SYT1: variants seen among roughly 807,000 people sequenced by gnomAD.
The protein encoded by SYT1 is synaptotagmin 1, also known as synaptotagmin-1.
SYT1 carries 8 observed loss-of-function variants against 44.8 expected under a neutral mutation model. That is an observed-to-expected ratio of 0.18 (90% confidence interval 0.10 to 0.32). SYT1 has a LOEUF of 0.32. SYT1 is among the 10% of genes least tolerant of loss of function. The pLI is 1.00. For synonymous variants in SYT1, 154 were observed against 188.8 expected (o/e 0.82, Z 1.51); for missense variants, 286 against 509.3 (o/e 0.56, Z 4.22).
At chr12:79,350,830 C>A (rs1177290359) in intron 8 of SYT1, among the ~76,000 whole-genome samples, 2 of 152,078 alleles carry the variant, frequency 1.3e-5, no homozygotes, top group Non-Finnish European at 2.9e-5. Flanking sequence ...TTTTCCTTGC[C>A]TTTTTCTGGA....
rs572860292 is a variant in SYT1, at chr12:79,275,442, G to A, written c.167-10345G>A. The stretch of plus-strand genomic sequence containing the variant: ...TCCCCAAGGGAGGTGTGCCCTCCAG[G>A]TTCAGGCTTGCAAGAGGGGTGGAGT... On this transcript the variant is annotated intron_variant, in intron 4 of 10. Coordinates refer to ENST00000261205, the MANE Select transcript of SYT1 (RefSeq NM_005639.3). 2.6e-5 allele frequency among the ~76,000 whole-genome samples: 4 copies of A among 152,226 alleles called. No homozygotes were observed. The East Asian group carries it at 7.8e-4, about 30-fold the overall frequency.
chr12:79,090,471 CA>C (rs976627724), intron 3 of SYT1, among the ~76,000 whole-genome samples: 4 of 151,894 alleles, frequency 2.6e-5, no homozygotes, highest in Non-Finnish European at 5.9e-5. Flanking sequence ...CCCATCCAGC[CA>C]ATACTCCCTC....
intron 9 of SYT1, among the ~76,000 whole-genome samples, chr12:79,422,733 T>C (rs1869193893): frequency 6.6e-6 from 1 of 152,000 alleles, no homozygotes; most frequent in Non-Finnish European, 1.5e-5. Context: ...TTTTAATCCC[T>C]CTCTTTAATC....
chr12:79,065,098 C>A (rs964041823), intron 3 of SYT1, among the ~76,000 whole-genome samples: 4 of 152,104 alleles, frequency 2.6e-5, no homozygotes, highest in African/African-American at 4.8e-5. Context: ...GGGAGGCCAG[C>A]GTAGTGGCTT....
chr12:79,150,204 T>G (rs1247805340), intron 3 of SYT1, among the ~76,000 whole-genome samples: 1 of 152,202 alleles, frequency 6.6e-6, no homozygotes, highest in Non-Finnish European at 1.5e-5. Context: ...ACATTATTAC[T>G]AACTGTAGTC....
chr12:79,405,979 A>G (rs540316402), intron 9 of SYT1, among the ~76,000 whole-genome samples: 2 of 152,284 alleles, frequency 1.3e-5, no homozygotes, highest in Non-Finnish European at 2.9e-5. Flanking sequence ...CTAAATGAGA[A>G]CTAATGGGAC....
chr12:79,222,083 G>A (rs950842407), intron 4 of SYT1, among the ~76,000 whole-genome samples: 1 of 152,092 alleles, frequency 6.6e-6, no homozygotes, highest in East Asian at 1.9e-4. Flanking sequence ...TTCTCTGTTG[G>A]CAGTTTTTTT....
At chr12:78,920,047 A>G (rs919482392) in intron 1 of SYT1, among the ~76,000 whole-genome samples, 9 of 151,890 alleles carry the variant, frequency 5.9e-5, no homozygotes, top group African/African-American at 2.2e-4. Flanking sequence ...GAGCTATGGA[A>G]TTTAGTCTTT....
intron 9 of SYT1, among the ~76,000 whole-genome samples, chr12:79,355,111 C>G (rs1883060619): frequency 6.6e-6 from 1 of 152,192 alleles, no homozygotes. Flanking sequence ...TCCCAGTTTG[C>G]TGTCTGTTTC....
At chr12:79,179,203 G>T (rs866308729) in intron 3 of SYT1, among the ~76,000 whole-genome samples, 2 of 20,026 alleles carry the variant, frequency 1.0e-4, no homozygotes, top group African/African-American at 7.7e-4. Flanking sequence ...TAGATATATA[G>T]ATATAGATAT....
chr12:79,096,019 A>G (rs776331995), intron 3 of SYT1, among the ~76,000 whole-genome samples: 3 of 151,892 alleles, frequency 2.0e-5, no homozygotes, highest in Non-Finnish European at 4.4e-5. Context: ...CTGTGGTGGC[A>G]GGTTATGGGA....
intron 9 of SYT1, among the ~76,000 whole-genome samples, chr12:79,439,001 A>C (rs1245369440): frequency 6.6e-6 from 1 of 152,190 alleles, no homozygotes; most frequent in Non-Finnish European, 1.5e-5. Flanking sequence ...AGAGGTATGG[A>C]TATTACCTCA....
At chr12:79,002,660 TCTC>T (rs1265672012) in intron 2 of SYT1, among the ~76,000 whole-genome samples, 1 of 152,000 alleles carries the variant, frequency 6.6e-6, no homozygotes, top group Non-Finnish European at 1.5e-5. Context: ...ATATTCCAAG[TCTC>T]CTCTAATTGT....
At chr12:79,276,982 G>A (rs1372583086) in intron 4 of SYT1, among the ~76,000 whole-genome samples, 1 of 151,100 alleles carries the variant, frequency 6.6e-6, no homozygotes, top group South Asian at 2.1e-4. Context: ...AAGAGGAGGA[G>A]GAGGAGGGAG....
At chr12:78,886,189 C>A (rs1874739235) in intron 1 of SYT1, among the ~76,000 whole-genome samples, 1 of 151,756 alleles carries the variant, frequency 6.6e-6, no homozygotes, top group Non-Finnish European at 1.5e-5. Context: ...AGAAAAATAT[C>A]TTTTTATTTT....
intron 3 of SYT1, among the ~76,000 whole-genome samples, chr12:79,090,244 T>C (rs1877679536): frequency 6.6e-6 from 1 of 152,050 alleles, no homozygotes; most frequent in Non-Finnish European, 1.5e-5. Flanking sequence ...GGAGAATAGA[T>C]CTCATTGTAA....
chr12:79,216,558 A>G (rs897074330), intron 3 of SYT1, among the ~76,000 whole-genome samples: 15 of 152,162 alleles, frequency 9.9e-5, no homozygotes, highest in African/African-American at 2.7e-4. Context: ...TTAGTTCTTC[A>G]TATTTCAGAA....
At chr12:79,143,380 T>A (rs932812383) in intron 3 of SYT1, among the ~76,000 whole-genome samples, 1 of 152,242 alleles carries the variant, frequency 6.6e-6, no homozygotes, top group African/African-American at 2.4e-5. Context: ...TAACTTTCAC[T>A]GGTTTATATC....
intron 1 of SYT1, among the ~76,000 whole-genome samples, chr12:78,901,955 A>G (rs769518187): frequency 6.6e-6 from 1 of 152,016 alleles, no homozygotes; most frequent in Non-Finnish European, 1.5e-5. Context: ...CAAACACTGC[A>G]TATTCTCACT....
Sources: allele counts gnomAD v4.1 joint callset (sites outside exome capture counted in the v4.1 genomes callset), GRCh38; gene constraint gnomAD v4.1.1; transcripts MANE v1.5; gene names NCBI Gene and HGNC (gene_info 2026-07-23, HGNC 2026-07-21).